Variants in HLTF observed in about 807,000 individuals in gnomAD.
HLTF encodes helicase like transcription factor.
A neutral mutation model predicts 129.4 loss-of-function variants in HLTF; 127 were observed. The ratio of observed to expected loss-of-function variants is 0.98; its 90% CI spans 0.85 to 1.14. The LOEUF (loss-of-function observed/expected upper bound fraction) is 1.14. Ranked by LOEUF, HLTF falls within the 50% of genes most tolerant of loss-of-function variation. The probability of loss-of-function intolerance (pLI) is 0.00; values close to 1 mark genes in which losing one functional copy is unlikely to be tolerated. For synonymous variants in HLTF, 332 were observed against 388.8 expected (o/e 0.85, Z 1.72); for missense variants, 1,139 against 1,187.1 (o/e 0.96, Z 0.60).
chr3:149,048,746 TG>T, intron 16 of HLTF, 116 bp downstream of exon 16: 2 of 685,298 alleles, frequency 2.9e-6, no homozygotes, highest in Non-Finnish European at 5.0e-6. Context: ...ATTATTTATA[TG>T]ATTAATTTTG....
At chr3:149,074,691 T>C (rs1005403318) in intron 3 of HLTF, among the ~76,000 whole-genome samples, 9 of 152,174 alleles carry the variant, frequency 5.9e-5, no homozygotes, top group Admixed American at 5.9e-4. Context: ...TAGTAACTCA[T>C]TCTGCTTGGA....
At position 149,032,382 on chromosome 3, in the gene HLTF, GAAAA is replaced by G; in HGVS notation, c.2878-14_2878-11del. ...AGTCCTTTACAATGAACTTTAAAAAGAAAAAAAAAAGTTAAGTAGTTTTTAAGGC... is the reference window on the plus strand; with the variant it reads ...AGTCCTTTACAATGAACTTTAAAAAGAAAAAAGTTAAGTAGTTTTTAAGGC... On this transcript the variant is annotated splice_polypyrimidine_tract_variant and intron_variant, in intron 24 of 24. Coordinates refer to ENST00000310053, the MANE Select transcript of HLTF (RefSeq NM_003071.4). 3.8e-6 allele frequency: 5 copies of G among 1,299,238 alleles called. No homozygotes were observed. The highest frequency in any genetic ancestry group is 5.1e-6 in the Non-Finnish European group (5 of 978,928). The allele number at this position is 1,299,238 out of a possible 1,614,324, so 80.5% of individuals were successfully genotyped here.
intron 2 of HLTF, among the ~76,000 whole-genome samples, chr3:149,078,166 G>GA (rs35063885): frequency 2.0e-5 from 3 of 152,012 alleles, no homozygotes; most frequent in Non-Finnish European, 4.4e-5. Context: ...TATACACAGG[G>GA]AAAAAAAGCA....
chr3:149,066,436 T>C (rs1405184813), intron 8 of HLTF, among the ~76,000 whole-genome samples: 1 of 152,170 alleles, frequency 6.6e-6, no homozygotes, highest in South Asian at 2.1e-4. Flanking sequence ...CCAAGCTGGA[T>C]GAAATAATAG....
intron 4 of HLTF, 136 bp downstream of exon 4, chr3:149,074,079 A>T: frequency 1.4e-6 from 1 of 735,560 alleles, no homozygotes. Flanking sequence ...GATTTCCTCA[A>T]AAAGACTCCT....
intron 23 of HLTF, among the ~76,000 whole-genome samples, chr3:149,035,915 C>G (rs986612037): frequency 1.3e-5 from 2 of 151,780 alleles, no homozygotes; most frequent in African/African-American, 2.4e-5. Context: ...GCAGGCAGAT[C>G]ACGAGTTCAG....
intron 2 of HLTF, among the ~76,000 whole-genome samples, chr3:149,084,128 G>T (rs11715474): frequency 0.45 from 67,667 of 151,782 alleles, 16,647 homozygotes; most frequent in African/African-American, 0.68. Context: ...AATGCCACAA[G>T]TATGAAAATA....
chr3:149,075,762 C>A, intron 3 of HLTF, 119 bp downstream of exon 3: 1 of 551,128 alleles, frequency 1.8e-6, no homozygotes, highest in Non-Finnish European at 3.0e-6. Flanking sequence ...TAACACGTAC[C>A]AAAAGTACAG....
At chr3:149,037,461 C>CT (rs998253413) in intron 23 of HLTF, among the ~76,000 whole-genome samples, 6 of 129,944 alleles carry the variant, frequency 4.6e-5, no homozygotes, top group Non-Finnish European at 8.0e-5. Context: ...GAGCAAGACT[C>CT]TGTCTCAAAA....
intron 18 of HLTF, among the ~76,000 whole-genome samples, chr3:149,045,657 A>C (rs1184186994): frequency 6.6e-6 from 1 of 152,100 alleles, no homozygotes; most frequent in Non-Finnish European, 1.5e-5. Context: ...TTCTGCTTTC[A>C]CTTGTCTCTT....
intron 4 of HLTF, 140 bp downstream of exon 4, chr3:149,074,075 C>T: frequency 1.5e-6 from 1 of 688,226 alleles, no homozygotes; most frequent in Non-Finnish European, 2.3e-6. Context: ...CAGAGATTTC[C>T]TCAAAAAGAC....
Position 149,032,068 on chromosome 3 carries a change from G to T in HLTF, c.*152C>A. 1 of 493,796 alleles carries T rather than the reference G, an allele frequency of 2.0e-6. No individual in the cohort carries two copies. Among genetic ancestry groups the T allele is most frequent in the Non-Finnish European group, 3.4e-6 (1 of 292,058 alleles). 30.6% of individuals were successfully genotyped at this position (493,796 alleles called of 1,614,324 possible). A position where few individuals can be genotyped will look rare whatever the true frequency, so the allele number is the denominator to read the frequency against. ...TTCATTAAAAATAGGTTCATATATA[G>T]AAGAAATTGTGTCAGTAATACCTCT... On this transcript the variant is annotated 3_prime_UTR_variant, in exon 25 of 25. Transcript: ENST00000310053.
chr3:149,036,033 G>T (rs1265397275), intron 23 of HLTF, among the ~76,000 whole-genome samples: 7 of 151,522 alleles, frequency 4.6e-5, no homozygotes, highest in Non-Finnish European at 1.0e-4. Context: ...TACTCGGGAG[G>T]CTGAGGCAGG....
At chr3:149,061,763 G>A (rs1419158112) in intron 10 of HLTF, among the ~76,000 whole-genome samples, 1 of 151,230 alleles carries the variant, frequency 6.6e-6, no homozygotes, top group Non-Finnish European at 1.5e-5. Flanking sequence ...TTGAACCCGG[G>A]AGGCAGAGGT....
chr3:149,055,156 T>C lies in HLTF; in HGVS notation c.1473+147A>G, dbSNP rs559717740. 4.4e-5 allele frequency: 24 copies of C among 544,204 alleles called. No homozygotes were observed. The South Asian group carries it at 7.0e-4, about 16-fold the overall frequency. The allele number at this position is 544,204 out of a possible 1,614,324, so 33.7% of individuals were successfully genotyped here. A position where few individuals can be genotyped will look rare whatever the true frequency, so the allele number is the denominator to read the frequency against. ...AATTTCTTCAATTCAGCAAACATAA[T>C]CCAATTCACCTGATGATTATTTGAA... On this transcript the variant is annotated intron_variant, in intron 14 of 24. Coordinates refer to ENST00000310053, the MANE Select transcript of HLTF (RefSeq NM_003071.4).
At chr3:149,046,739 G>A (rs1431138097) in intron 17 of HLTF, among the ~76,000 whole-genome samples, 1 of 152,066 alleles carries the variant, frequency 6.6e-6, no homozygotes, top group East Asian at 1.9e-4. Context: ...AGTAATGAGT[G>A]CCCCCAAAAT....
chr3:149,061,707 G>A (rs922374490), intron 10 of HLTF, among the ~76,000 whole-genome samples: 5 of 151,784 alleles, frequency 3.3e-5, no homozygotes, highest in East Asian at 1.9e-4. Flanking sequence ...GTGGTGGTGC[G>A]TGCCTGTAGT....
chr3:149,049,747 C>A lies in HLTF; in HGVS notation c.1617+485G>T, dbSNP rs1716828472. ...GTGGCACACGCCTGTAATCCCAGCA[C>A]TTTGGGAGGCCAAGGTGGGTGGATC... On this transcript the variant is annotated intron_variant, in intron 15 of 24. Coordinates refer to ENST00000310053, the MANE Select transcript of HLTF (RefSeq NM_003071.4). Among the ~76,000 whole-genome samples, 3 of 152,184 alleles carry A rather than the reference C, an allele frequency of 2.0e-5. No individual in the cohort carries two copies. In the South Asian group the frequency reaches 6.2e-4, roughly 31 times the overall value.
At chr3:149,060,357 A>G (rs1717819674) in intron 12 of HLTF, among the ~76,000 whole-genome samples, 1 of 152,210 alleles carries the variant, frequency 6.6e-6, no homozygotes, top group South Asian at 2.1e-4. Context: ...TTCATACTAC[A>G]CACATAGGTT....
Sources: gnomAD v4.1 joint callset for allele counts (sites outside exome capture counted in the v4.1 genomes callset) on GRCh38, gnomAD v4.1.1 for gene constraint, MANE v1.5 for transcripts, NCBI Gene and HGNC (gene_info 2026-07-23, HGNC 2026-07-21) for gene names.